CDH23: variants seen among roughly 807,000 people sequenced by gnomAD.
The protein encoded by CDH23 is cadherin-23.
In CDH23, 189 loss-of-function variants were observed where a neutral mutation model predicts 317.1. That is an observed-to-expected ratio of 0.60 (90% CI 0.53 to 0.67). CDH23 has a LOEUF of 0.67. Among genes scored for constraint, CDH23 ranks in the 30% least tolerant of loss-of-function variants. CDH23 has a pLI of 0.00. For missense variants in CDH23, 4,401 were observed against 4,592.4 expected (o/e 0.96, Z 1.20); for synonymous variants, 1,839 against 1,876.8 (o/e 0.98, Z 0.52).
intron 9 of CDH23, among the ~76,000 whole-genome samples, chr10:71,582,445 A>G (rs1215161161): frequency 6.6e-6 from 1 of 152,220 alleles, no homozygotes; most frequent in Non-Finnish European, 1.5e-5. Context: ...GAAATACAAC[A>G]TATTATTAAA....
chr10:71,521,727 A>G (rs1276345987), intron 6 of CDH23, among the ~76,000 whole-genome samples: 1 of 152,208 alleles, frequency 6.6e-6, no homozygotes, highest in East Asian at 1.9e-4. Context: ...CCCCTTCAGA[A>G]GCAGCTGCTG....
chr10:71,416,938 A>G (rs1848559168), intron 1 of CDH23, among the ~76,000 whole-genome samples: 2 of 152,276 alleles, frequency 1.3e-5, no homozygotes, highest in East Asian at 1.9e-4. Context: ...AAAGTCACCT[A>G]TAAGTTTTAT....
In CDH23 at chr10:71,741,844, G is replaced by A. The variant is rs2132847886; in HGVS notation, c.4768G>A (p.Ala1590Thr). 1 of 1,611,208 alleles carries A rather than the reference G, an allele frequency of 6.2e-7. No individual in the cohort carries two copies. The highest frequency in any genetic ancestry group is 1.3e-5 in the African/African-American group (1 of 75,022). Residue 1590 changes from alanine to threonine, a missense_variant, in exon 38 of 70, where the codon GCC (alanine) becomes ACC (threonine). By Grantham distance (58) the Ala-to-Thr change is moderately conservative. Coordinates refer to ENST00000224721, the MANE Select transcript of CDH23 (RefSeq NM_022124.6). The part of the protein sequence containing the change: ...RISGEIATRP[A>T]PPDRERQSFY... ...CAGCGGTGAGATCGCCACACGGCCTGCCCCGCCTGACCGCGAGCGCCAGAG... is the reference window on the plus strand; with the variant it reads ...CAGCGGTGAGATCGCCACACGGCCTACCCCGCCTGACCGCGAGCGCCAGAG...
chr10:71,518,121 T>C (rs762088846), intron 6 of CDH23, among the ~76,000 whole-genome samples: 1 of 152,130 alleles, frequency 6.6e-6, no homozygotes, highest in East Asian at 1.9e-4. Context: ...CTGTATCTCC[T>C]AGTGTTTTCA....
intron 6 of CDH23, among the ~76,000 whole-genome samples, chr10:71,523,551 C>A (rs1005892518): frequency 1.3e-5 from 2 of 152,150 alleles, no homozygotes; most frequent in Non-Finnish European, 2.9e-5. Flanking sequence ...ACAGACATTT[C>A]CACGGAGCCA....
intron 14 of CDH23, chr10:71,646,937 A>C: frequency 1.0e-6 from 1 of 985,166 alleles, no homozygotes; most frequent in Non-Finnish European, 1.2e-6. Context: ...AATGGGTGGG[A>C]AGGTGCCAGC....
chr10:71,511,241 G>T lies in CDH23; in HGVS notation c.429+29G>T. 3 of 1,579,778 alleles carry T rather than the reference G, an allele frequency of 1.9e-6. No individual in the cohort carries two copies. In the South Asian group the frequency reaches 3.3e-5, roughly 17 times the overall value. On this transcript the variant is annotated intron_variant, in intron 6 of 69. Coordinates refer to ENST00000224721, the MANE Select transcript of CDH23 (RefSeq NM_022124.6). ...GGAGCCACTGGGGTTACCCTTGAGG[G>T]TATCAGAGACCTGCTGCTCCCCAGA...
chr10:71,660,023 C>G (rs1026354744), intron 14 of CDH23, among the ~76,000 whole-genome samples: 1 of 140,736 alleles, frequency 7.1e-6, no homozygotes, highest in Non-Finnish European at 1.5e-5. Context: ...TACCATAGTG[C>G]GATCTTGGCT....
chr10:71,459,097 T>TTTTTC (rs1850845658), intron 3 of CDH23, among the ~76,000 whole-genome samples: 2 of 145,884 alleles, frequency 1.4e-5, no homozygotes, highest in South Asian at 4.6e-4. Flanking sequence ...TTTTTTTTTT[T>TTTTTC]TTTTTTGTGA....
intron 1 of CDH23, among the ~76,000 whole-genome samples, chr10:71,410,444 G>A (rs1372671637): frequency 6.6e-6 from 1 of 152,166 alleles, no homozygotes; most frequent in African/African-American, 2.4e-5. Context: ...TGCTTCCCAT[G>A]GCAGGAGGGC....
In CDH23 at chr10:71,807,697, G is replaced by C. The variant is rs1245871708; in HGVS notation, c.8490G>C (p.Gln2830His). ...TLDLVADLTL[Q>H]EVRVVLEDIN... ...ACCTGGTTGCTGACCTCACACTGCA[G>C]GAGGTGCGCGTTGTGCTAGAGGACA... is the stretch of plus-strand genomic sequence containing the variant. Residue 2830 changes from glutamine (Q) to histidine (H), a missense_variant, in exon 59 of 70, where the codon CAG becomes CAC. Gln to His is a conservative substitution (Grantham distance 24). Coordinates refer to ENST00000224721, the MANE Select transcript of CDH23 (RefSeq NM_022124.6). 1 of 1,613,170 alleles carries C rather than the reference G, an allele frequency of 6.2e-7. No homozygotes were observed. The highest frequency in any genetic ancestry group is 8.5e-7 in the Non-Finnish European group (1 of 1,179,562).
At chr10:71,770,118 C>A (rs1840653117) in intron 38 of CDH23, among the ~76,000 whole-genome samples, 1 of 152,208 alleles carries the variant, frequency 6.6e-6, no homozygotes, top group African/African-American at 2.4e-5. Context: ...CTTCCCAGGC[C>A]CTGGGCACTC....
intron 19 of CDH23, among the ~76,000 whole-genome samples, chr10:71,689,285 C>A (rs570051249): frequency 3.2e-4 from 48 of 152,080 alleles, no homozygotes; most frequent in Admixed American, 1.0e-3. Context: ...CTAAAGAGAA[C>A]CTCTGGGTAC....
intron 38 of CDH23, chr10:71,762,083 C>T: frequency 6.6e-7 from 1 of 1,512,760 alleles, no homozygotes. Context: ...CTCCTGGCAA[C>T]CCCAGAGCGG....
At chr10:71,638,762 G>A (rs536924420) in intron 11 of CDH23, among the ~76,000 whole-genome samples, 4 of 152,344 alleles carry the variant, frequency 2.6e-5, no homozygotes, top group African/African-American at 4.8e-5. Context: ...GTCAGCACAC[G>A]GAGCCGGGTC....
At chr10:71,646,664 C>T in intron 14 of CDH23, 47 bp downstream of exon 14, 1 of 1,613,996 alleles carries the variant, frequency 6.2e-7, no homozygotes, top group Non-Finnish European at 8.5e-7. Flanking sequence ...CCAGGGCCGA[C>T]TGTGGTGAGG....
chr10:71,587,568 G>A (rs757103581), intron 9 of CDH23, among the ~76,000 whole-genome samples: 2 of 152,186 alleles, frequency 1.3e-5, no homozygotes, highest in East Asian at 3.9e-4. Flanking sequence ...GTGAGGAGAG[G>A]GTACCTAGGA....
chr10:71,596,332 A>G (rs1051374400), intron 9 of CDH23, among the ~76,000 whole-genome samples: 5 of 152,140 alleles, frequency 3.3e-5, no homozygotes, highest in Non-Finnish European at 7.4e-5. Flanking sequence ...GTAACATAAC[A>G]TGTAGGGTCA....
chr10:71,596,026 G>A (rs746929548), intron 9 of CDH23, among the ~76,000 whole-genome samples: 24 of 152,102 alleles, frequency 1.6e-4, no homozygotes, highest in Non-Finnish European at 2.8e-4. Context: ...CTTGGCTCTG[G>A]GCAGCCCCCT....
Sources: gnomAD v4.1 joint callset for allele counts (sites outside exome capture counted in the v4.1 genomes callset) on GRCh38, gnomAD v4.1.1 for gene constraint, MANE v1.5 for transcripts, NCBI Gene and HGNC (gene_info 2026-07-23, HGNC 2026-07-21) for gene names.